Variants in L3MBTL4 observed in about 807,000 individuals in gnomAD.
L3MBTL4 encodes lethal(3)malignant brain tumor-like protein 4.
Under a neutral mutation model 84.5 loss-of-function variants are expected in L3MBTL4, and 70 were observed. The observed-to-expected ratio is 0.83, with a 90% CI of 0.68 to 1.01. The LOEUF is 1.01. L3MBTL4 is among the 50% of genes least tolerant of loss of function. The pLI is 0.00. For synonymous variants in L3MBTL4, 274 were observed against 259.8 expected (o/e 1.05, Z -0.52); for missense variants, 715 against 754.8 (o/e 0.95, Z 0.62).
At chr18:6,321,786 A>G (rs999276232) in intron 1 of L3MBTL4, among the ~76,000 whole-genome samples, 1 of 152,118 alleles carries the variant, frequency 6.6e-6, no homozygotes, top group Non-Finnish European at 1.5e-5. Context: ...TCTAAGTGAC[A>G]TAACTCAGGA....
At chr18:6,031,324 T>C in intron 16 of L3MBTL4, 1 of 985,476 alleles carries the variant, frequency 1.0e-6, no homozygotes, top group East Asian at 1.1e-4. Context: ...ATAGGTTTTC[T>C]GGTTGCAGAG....
chr18:6,281,042 TTAA>T (rs1277925254), intron 4 of L3MBTL4, among the ~76,000 whole-genome samples: 1 of 152,046 alleles, frequency 6.6e-6, no homozygotes, highest in East Asian at 1.9e-4. Flanking sequence ...GAAGAGGAAA[TTAA>T]TACAGAATGT....
intron 1 of L3MBTL4, among the ~76,000 whole-genome samples, chr18:6,403,392 G>A (rs543670250): frequency 3.3e-5 from 5 of 152,224 alleles, no homozygotes; most frequent in South Asian, 2.1e-4. Context: ...CTCCCTCCCC[G>A]ATGTAGTCCA....
intron 1 of L3MBTL4, among the ~76,000 whole-genome samples, chr18:6,408,194 C>G (rs902374463): frequency 1.2e-4 from 19 of 152,210 alleles, no homozygotes; most frequent in Admixed American, 4.6e-4. Context: ...CTCACAGTCT[C>G]AGGCTTGGCC....
At chr18:6,277,150 C>CGGG (rs2049118371) in intron 4 of L3MBTL4, among the ~76,000 whole-genome samples, 1 of 109,622 alleles carries the variant, frequency 9.1e-6, no homozygotes, top group Non-Finnish European at 1.8e-5. Flanking sequence ...GGTGGGGGGA[C>CGGG]GGGGGAGGGA....
intron 16 of L3MBTL4, among the ~76,000 whole-genome samples, chr18:6,002,276 C>T (rs1567969935): frequency 6.6e-6 from 1 of 152,122 alleles, no homozygotes; most frequent in Non-Finnish European, 1.5e-5. Flanking sequence ...TTCAGTAGAC[C>T]TGCCTTGTAA....
rs1934413889 is a variant in L3MBTL4 at position 6,189,142 on chromosome 18, A to C, written c.982-17200T>G. ...GCTGCAGGTGGTTTCCTGGCTTCAC[A>C]TTGCATCACTCCAATCTCTGCCTCC... On this transcript the variant is annotated intron_variant, in intron 12 of 18. Transcript: ENST00000317931. 2.0e-5 allele frequency among the ~76,000 whole-genome samples: 3 copies of C among 152,152 alleles called. No individual in the cohort carries two copies. The South Asian group carries it at 6.2e-4, about 32-fold the overall frequency.
intron 4 of L3MBTL4, among the ~76,000 whole-genome samples, chr18:6,287,893 T>A (rs2146663715): frequency 6.6e-6 from 1 of 152,276 alleles, no homozygotes; most frequent in Admixed American, 6.5e-5. Context: ...AATTTAGAAA[T>A]TAGCCAGGTA....
chr18:6,063,698 G>T (rs1295708941), intron 16 of L3MBTL4, among the ~76,000 whole-genome samples: 1 of 151,622 alleles, frequency 6.6e-6, no homozygotes, highest in Non-Finnish European at 1.5e-5. Context: ...TTTTTGATGA[G>T]ATTATTATTT....
At chr18:6,291,945 A>G (rs563713964) in intron 4 of L3MBTL4, among the ~76,000 whole-genome samples, 5 of 152,198 alleles carry the variant, frequency 3.3e-5, no homozygotes, top group Non-Finnish European at 5.9e-5. Context: ...TTTTCAAACT[A>G]TCCATCTGAC....
chr18:6,105,162 ATGT>A, intron 14 of L3MBTL4, among the ~76,000 whole-genome samples: 1 of 144,658 alleles, frequency 6.9e-6, no homozygotes, highest in Admixed American at 6.9e-5. Context: ...TTTCAAGTAT[ATGT>A]TGTTGAGAAC....
intron 11 of L3MBTL4, among the ~76,000 whole-genome samples, chr18:6,213,829 A>C (rs2046216332): frequency 6.6e-6 from 1 of 152,250 alleles, no homozygotes; most frequent in South Asian, 2.1e-4. Context: ...AAAGACAAAG[A>C]CAGATTATAT....
chr18:6,247,103 T>G (rs1781557267), intron 5 of L3MBTL4, among the ~76,000 whole-genome samples: 1 of 152,186 alleles, frequency 6.6e-6, no homozygotes, highest in South Asian at 2.1e-4. Flanking sequence ...GATATAAATT[T>G]TTTTCTTAAC....
chr18:5,980,084 T>C (rs1246266989), intron 16 of L3MBTL4, among the ~76,000 whole-genome samples: 3 of 152,214 alleles, frequency 2.0e-5, no homozygotes, highest in Non-Finnish European at 2.9e-5. Flanking sequence ...GCACAGATGC[T>C]GGCTCCTAGG....
At chr18:6,163,281 G>A (rs1167302027) in intron 13 of L3MBTL4, among the ~76,000 whole-genome samples, 2 of 126,254 alleles carry the variant, frequency 1.6e-5, no homozygotes, top group Admixed American at 8.3e-5. Flanking sequence ...GGGTGTGTGT[G>A]TGTGTGTGTG....
At chr18:6,248,624 T>C (rs2047788944) in intron 5 of L3MBTL4, among the ~76,000 whole-genome samples, 1 of 152,212 alleles carries the variant, frequency 6.6e-6, no homozygotes, top group African/African-American at 2.4e-5. Flanking sequence ...CTTCTTTTTG[T>C]AAAGATAAGC....
intron 1 of L3MBTL4, among the ~76,000 whole-genome samples, chr18:6,364,636 AT>A (rs2144079869): frequency 6.6e-6 from 1 of 152,274 alleles, no homozygotes; most frequent in East Asian, 1.9e-4. Flanking sequence ...ATGAAATTAG[AT>A]TTCATCATAA....
intron 5 of L3MBTL4, among the ~76,000 whole-genome samples, chr18:6,251,666 A>G (rs1263081904): frequency 6.6e-6 from 1 of 152,218 alleles, no homozygotes; most frequent in Non-Finnish European, 1.5e-5. Context: ...CTAATTAAAG[A>G]CTTCATAATT....
At chr18:5,977,764 A>T (rs1267123008) in intron 16 of L3MBTL4, among the ~76,000 whole-genome samples, 1 of 152,150 alleles carries the variant, frequency 6.6e-6, no homozygotes, top group African/African-American at 2.4e-5. Flanking sequence ...TTGGGGTTCC[A>T]GGTGCACAGG....
Sources: allele counts gnomAD v4.1 joint callset (sites outside exome capture counted in the v4.1 genomes callset), GRCh38; gene constraint gnomAD v4.1.1; transcripts MANE v1.5; gene names NCBI Gene and HGNC (gene_info 2026-07-23, HGNC 2026-07-21).